Variants in ACBD6 observed in about 807,000 individuals in gnomAD.
ACBD6 encodes the protein acyl-CoA binding domain containing 6, also known as acyl-CoA-binding domain-containing protein 6.
ACBD6 carries 28 observed loss-of-function variants against 37.2 expected under a neutral mutation model. The observed-to-expected ratio is 0.75, with a 90% CI of 0.56 to 1.03. The LOEUF (loss-of-function observed/expected upper bound fraction) is 1.03. Among genes scored for constraint, ACBD6 ranks in the 50% least tolerant of loss-of-function variants. The pLI, the probability that ACBD6 is intolerant of heterozygous loss-of-function variation, is 0.00. For synonymous variants in ACBD6, 113 were observed against 126.8 expected (o/e 0.89, Z 0.73); for missense variants, 340 against 337.4 (o/e 1.01, Z -0.06).
chr1:180,313,675 T>G (rs1326668337), intron 7 of ACBD6, among the ~76,000 whole-genome samples: 1 of 152,178 alleles, frequency 6.6e-6, no homozygotes, highest in Admixed American at 6.5e-5. Flanking sequence ...ATGGCTGTCT[T>G]TCATTCAGCC....
At chr1:180,429,041 C>T (rs1648709802) in intron 4 of ACBD6, among the ~76,000 whole-genome samples, 1 of 152,146 alleles carries the variant, frequency 6.6e-6, no homozygotes, top group Non-Finnish European at 1.5e-5. Flanking sequence ...CACTGAAGAT[C>T]TACTAAGTTT....
At chr1:180,365,031 C>T (rs1416439706) in intron 6 of ACBD6, among the ~76,000 whole-genome samples, 3 of 152,136 alleles carry the variant, frequency 2.0e-5, no homozygotes, top group Admixed American at 6.5e-5. Flanking sequence ...CCGCGCCTGG[C>T]CAATTCCTAC....
At chr1:180,393,384 C>CT (rs1654146317) in intron 6 of ACBD6, among the ~76,000 whole-genome samples, 1 of 152,174 alleles carries the variant, frequency 6.6e-6, no homozygotes, top group African/African-American at 2.4e-5. Context: ...TGACATATCT[C>CT]TAATTACTGC....
intron 7 of ACBD6, among the ~76,000 whole-genome samples, chr1:180,290,725 A>T (rs1034077108): frequency 1.3e-5 from 2 of 152,234 alleles, no homozygotes; most frequent in Non-Finnish European, 2.9e-5. Context: ...AATTTCTGAG[A>T]AGGAAAGGCA....
chr1:180,477,575 A>T (rs1650848286), intron 3 of ACBD6, among the ~76,000 whole-genome samples: 1 of 151,718 alleles, frequency 6.6e-6, no homozygotes, highest in South Asian at 2.1e-4. Flanking sequence ...ATTAGAACGA[A>T]TTTTTTTTTC....
chr1:180,270,970 CT>C (rs1359916118), exon 14 of ACBD6: 2 of 310,386 alleles, frequency 6.4e-6, no homozygotes, highest in Non-Finnish European at 1.3e-5. Context: ...GGGAGGGCAT[CT>C]GGGGCGACTT....
chr1:180,284,499 G>A (rs1419468546), downstream of ACBD6, among the ~76,000 whole-genome samples: 1 of 151,862 alleles, frequency 6.6e-6, no homozygotes, highest in Non-Finnish European at 1.5e-5. Context: ...AAGTAGCTGG[G>A]ACTTACAGGC....
At chr1:180,306,784 T>G (rs183482250) in intron 7 of ACBD6, among the ~76,000 whole-genome samples, 2 of 152,294 alleles carry the variant, frequency 1.3e-5, no homozygotes, top group East Asian at 3.9e-4. Context: ...CAAATATTAA[T>G]TTTTTGCAAT....
intron 6 of ACBD6, among the ~76,000 whole-genome samples, chr1:180,382,686 A>T (rs1653703152): frequency 6.6e-6 from 1 of 152,172 alleles, no homozygotes; most frequent in East Asian, 1.9e-4. Flanking sequence ...AGAGGAAGGC[A>T]TTCCCCCTAA....
At position 180,430,347 on chromosome 1, in the gene ACBD6, C is replaced by G. The variant is rs746109375; in HGVS notation, c.385-85G>C. On this transcript the variant is annotated intron_variant, in intron 3 of 7. Transcript: ENST00000367595. ...AAATCAGTTACAAAATGTTATTTTG[C>G]TAAGAAAGACTAAGGATTTTACCCT... The G allele has an allele frequency of 3.5e-6, 4 of 1,127,186 alleles. No individual in the cohort carries two copies. In the Admixed American group the frequency reaches 5.2e-5, roughly 15 times the overall value. 69.8% of individuals were successfully genotyped at this position (1,127,186 alleles called of 1,614,324 possible).
intron 3 of ACBD6, among the ~76,000 whole-genome samples, chr1:180,453,031 A>C (rs1649775049): frequency 6.6e-6 from 1 of 152,254 alleles, no homozygotes; most frequent in Admixed American, 6.5e-5. Context: ...ACTCCAAACA[A>C]GAGAAAAAGA....
intron 9 of ACBD6, chr1:180,278,656 T>C (rs1313766073): frequency 6.6e-6 from 1 of 151,338 alleles, no homozygotes; most frequent in East Asian, 1.9e-4. Flanking sequence ...TTGAGGACTG[T>C]GTTCGGCCAA....
chr1:180,488,350 T>C (rs948703563), intron 3 of ACBD6, among the ~76,000 whole-genome samples: 14 of 152,104 alleles, frequency 9.2e-5, no homozygotes, highest in African/African-American at 3.1e-4. Flanking sequence ...ACAGAAAACA[T>C]AGTTATTTTT....
At chr1:180,363,079 A>G (rs6425626) in intron 6 of ACBD6, among the ~76,000 whole-genome samples, 144,504 of 152,256 alleles carry the variant, frequency 0.95, 68,617 homozygotes, top group East Asian at 0.98. Context: ...AAAATTTAAC[A>G]TGTAGGTCCT....
chr1:180,450,653 G>T (rs939532437), intron 3 of ACBD6, among the ~76,000 whole-genome samples: 2 of 152,082 alleles, frequency 1.3e-5, no homozygotes, highest in Admixed American at 6.5e-5. Flanking sequence ...CCAGCTATTC[G>T]GGAGGCTGAG....
intron 3 of ACBD6, among the ~76,000 whole-genome samples, chr1:180,451,981 A>G (rs1445095993): frequency 2.0e-5 from 3 of 152,208 alleles, no homozygotes; most frequent in African/African-American, 7.2e-5. Context: ...TTCTATCTGA[A>G]CAACCTGCTC....
chr1:180,357,080 G>T (rs969802887), intron 6 of ACBD6, among the ~76,000 whole-genome samples: 1 of 152,150 alleles, frequency 6.6e-6, no homozygotes, highest in Non-Finnish European at 1.5e-5. Flanking sequence ...CAGCATAAAA[G>T]ATTTTTAATG....
At chr1:180,353,802 A>AAAAAAAAT (rs1652513648) in intron 6 of ACBD6, among the ~76,000 whole-genome samples, 1 of 149,666 alleles carries the variant, frequency 6.7e-6, no homozygotes, top group African/African-American at 2.4e-5. Context: ...AAAAAAAAAA[A>AAAAAAAAT]AAAGCCCAGC....
Position 180,381,271 on chromosome 1 carries a change from A to G in ACBD6, c.663+16245T>C, listed in dbSNP as rs1653636305. ...GACTCCAATACAATAACAATTGGGG[A>G]CTTTAATACACCATTTTCGCCACCA... On this transcript the variant is annotated intron_variant, in intron 6 of 7. Coordinates refer to ENST00000367595, the MANE Select transcript of ACBD6 (RefSeq NM_032360.4). Among the ~76,000 whole-genome samples, 9 of 152,334 alleles carry G rather than the reference A, an allele frequency of 5.9e-5. No individual in the cohort carries two copies. The South Asian group carries it at 1.7e-3, about 28-fold the overall frequency.
Sources: allele counts gnomAD v4.1 joint callset (sites outside exome capture counted in the v4.1 genomes callset), GRCh38; gene constraint gnomAD v4.1.1; transcripts MANE v1.5; gene names NCBI Gene and HGNC (gene_info 2026-07-23, HGNC 2026-07-21).